Variants in KCNAB2 observed in about 807,000 individuals in gnomAD.
KCNAB2 encodes potassium voltage-gated channel subfamily A regulatory beta subunit 2.
KCNAB2 carries 29 observed loss-of-function variants against 63.6 expected under a neutral mutation model. That is an observed-to-expected ratio of 0.46 (90% confidence interval 0.34 to 0.62). The LOEUF (loss-of-function observed/expected upper bound fraction) is 0.62. Among genes scored for constraint, KCNAB2 ranks in the 20% least tolerant of loss-of-function variants. The pLI, the probability that KCNAB2 is intolerant of heterozygous loss-of-function variation, is 0.01. For missense variants in KCNAB2, 359 were observed against 563.9 expected (o/e 0.64, Z 3.68); for synonymous variants, 222 against 224.2 (o/e 0.99, Z 0.09).
chr1:6,042,137 C>T (rs1456387975), upstream of KCNAB2, among the ~76,000 whole-genome samples: 1 of 152,182 alleles, frequency 6.6e-6, no homozygotes, highest in Non-Finnish European at 1.5e-5. Context: ...TTGATGACTG[C>T]CAAGCTCTCA....
At position 6,100,805 on chromosome 1, in the gene KCNAB2, C is replaced by G. The variant is rs964346326; in HGVS notation, c.*2231C>G. ...TCTGCCTCCTAGGGCCAGGTCCCCC[C>G]TCTCGGGAGGAGGTATTGGGTAGGA... On this transcript the variant is annotated 3_prime_UTR_variant, in exon 16 of 16. Coordinates refer to ENST00000378083, the MANE Select transcript of KCNAB2 (RefSeq NM_001199862.2). 2 of 152,260 alleles carry G rather than the reference C, an allele frequency of 1.3e-5. No individual in the cohort carries two copies. Among genetic ancestry groups the G allele is most frequent in the African/African-American group, 4.8e-5 (2 of 41,448 alleles). 9.4% of individuals were successfully genotyped at this position (152,260 alleles called of 1,614,324 possible).
chr1:6,083,816 C>T (rs1175834586), intron 5 of KCNAB2, among the ~76,000 whole-genome samples: 3 of 152,230 alleles, frequency 2.0e-5, no homozygotes, highest in Admixed American at 6.5e-5. Flanking sequence ...CTAATTTGCA[C>T]GCTTCTCAGA....
chr1:6,054,836 C>T (rs542692591), intron 2 of KCNAB2, among the ~76,000 whole-genome samples: 1 of 152,256 alleles, frequency 6.6e-6, no homozygotes, highest in South Asian at 2.1e-4. Flanking sequence ...TGATTGGTTG[C>T]GGGAGGGGAC....
intron 1 of KCNAB2, among the ~76,000 whole-genome samples, chr1:6,004,995 T>TGG (rs1557921038): frequency 2.1e-5 from 2 of 96,082 alleles, no homozygotes; most frequent in African/African-American, 3.7e-5. Flanking sequence ...GGCAGAGATC[T>TGG]GGGAGCTGAG....
chr1:6,079,473 T>C (rs2871872), intron 4 of KCNAB2, among the ~76,000 whole-genome samples: 14,950 of 151,750 alleles, frequency 0.099, 846 homozygotes, highest in African/African-American at 0.13. Context: ...GAGCCAAGAT[T>C]GTGCCACTGC....
intron 2 of KCNAB2, among the ~76,000 whole-genome samples, chr1:6,065,803 G>A (rs1487157826): frequency 7.2e-5 from 11 of 152,188 alleles, no homozygotes; most frequent in Middle Eastern, 3.4e-3. Context: ...GAGAAAATGC[G>A]CACCCCCCAA....
chr1:6,040,740 A>AAGGGCCCAAGC (rs1553121961), intron 2 of KCNAB2: 1 of 763,258 alleles, frequency 1.3e-6, no homozygotes, highest in Non-Finnish European at 2.2e-6. Flanking sequence ...CTGGAGGTGG[A>AAGGGCCCAAGC]AGGGCCCAAG....
Position 6,090,453 on chromosome 1 carries a change from G to A in KCNAB2, c.579G>A (p.Pro193=), listed in dbSNP as rs757498604. ...TGGATGTGGTGTTTGCCAACCGCCC[G>A]GACCCCAACACCCCGATGGAAGGTA... ...EYVDVVFANR[P]DPNTPMEGDP... Residue 193 remains proline, a synonymous_variant, in exon 9 of 16, where the codon CCG becomes CCA. Coordinates refer to ENST00000378083, the MANE Select transcript of KCNAB2 (RefSeq NM_001199862.2). 1.4e-5 allele frequency: 22 copies of A among 1,613,770 alleles called. No homozygotes were observed. Among genetic ancestry groups the A allele is most frequent in the African/African-American group, 6.7e-5 (5 of 75,050 alleles).
intron 15 of KCNAB2, chr1:6,098,090 G>A (rs1665799458): frequency 4.4e-6 from 4 of 914,412 alleles, no homozygotes; most frequent in African/African-American, 1.8e-5. Flanking sequence ...GAGAAGGCGA[G>A]GTGGAAGTCG....
At position 5,994,520 on chromosome 1, in the gene KCNAB2, C is replaced by T. The variant is rs1301669312; in HGVS notation, c.-53+1732C>T. Among the ~76,000 whole-genome samples the T allele has an allele frequency of 3.9e-5, 6 of 152,184 alleles. No homozygotes were observed. Among genetic ancestry groups the T allele is most frequent in the Non-Finnish European group, 7.3e-5 (5 of 68,030 alleles). On this transcript the variant is annotated intron_variant, in intron 1 of 16. Coordinates refer to the KCNAB2 transcript ENST00000341524. The surrounding 1 kb of genome is among the most constrained non-coding windows in gnomAD (Gnocchi z 5.4). ...ATGGTAGGGGCTTCCCTGTTGACAC[C>T]CAGGGCCATTTTTTTTTTCCCTGCG... is the stretch of plus-strand genomic sequence containing the variant.
chr1:6,040,048 C>A (rs12567565), intron 1 of KCNAB2, among the ~76,000 whole-genome samples: 14,127 of 152,240 alleles, frequency 0.093, 1,141 homozygotes, highest in East Asian at 0.24. Context: ...AGCTCAATGG[C>A]AGCACCAGGA....
rs1415443084 is a variant in KCNAB2 at position 6,094,480 on chromosome 1, A to G, written c.727A>G (p.Ile243Val). 6.2e-6 allele frequency: 10 copies of G among 1,609,906 alleles called. No individual in the cohort carries two copies. Residue 243 changes from isoleucine (I) to valine (V), a missense_variant, in exon 11 of 16, where the codon ATC (isoleucine) becomes GTC (valine). Coordinates refer to ENST00000378083, the MANE Select transcript of KCNAB2 (RefSeq NM_001199862.2). Reference protein sequence around the residue: ...WGTSRWSSMEIMEAYSVARQF... With the variant: ...WGTSRWSSMEVMEAYSVARQF... ...CACGTCACGCTGGAGCTCCATGGAG[A>G]TCATGGTACGGTGGCCGCGCAGCAT...
intron 1 of KCNAB2, among the ~76,000 whole-genome samples, chr1:6,011,166 G>A (rs1658122404): frequency 6.6e-6 from 1 of 152,260 alleles, no homozygotes; most frequent in South Asian, 2.1e-4. Context: ...CTCTGAGGGA[G>A]CAGCAGGAGT....
chr1:6,099,983 G>A lies in KCNAB2; in HGVS notation c.*1409G>A, dbSNP rs1207583230. 1.3e-6 allele frequency: 2 copies of A among 1,547,708 alleles called. No individual in the cohort carries two copies. Among genetic ancestry groups the A allele is most frequent in the Non-Finnish European group, 1.7e-6 (2 of 1,145,590 alleles). The stretch of plus-strand genomic sequence containing the variant: ...GGCTTTGCAGACCACGCGGGGCAGG[G>A]CTCCACTGAAGCCACCCCCACCCCT... On this transcript the variant is annotated 3_prime_UTR_variant, in exon 16 of 16. Coordinates refer to ENST00000378083, the MANE Select transcript of KCNAB2 (RefSeq NM_001199862.2).
At position 6,003,206 on chromosome 1, in the gene KCNAB2, C is replaced by T. The variant is rs1451893112; in HGVS notation, c.-53+10418C>T. On this transcript the variant is annotated intron_variant, in intron 1 of 16. Transcript: ENST00000341524. The surrounding 1 kb of genome is among the most constrained non-coding windows in gnomAD (Gnocchi z 4.1). ...CCAGCGCACAGCCCCAGCAGCCTGG[C>T]CCCTGCTGGCTGCAGGGGCTCCAGA... 2.0e-5 allele frequency among the ~76,000 whole-genome samples: 3 copies of T among 152,210 alleles called. No individual in the cohort carries two copies. Among genetic ancestry groups the T allele is most frequent in the African/African-American group, 4.8e-5 (2 of 41,460 alleles).
intron 4 of KCNAB2, among the ~76,000 whole-genome samples, chr1:6,077,454 G>A (rs1390987604): frequency 6.6e-6 from 1 of 152,228 alleles, no homozygotes; most frequent in African/African-American, 2.4e-5. Context: ...GCGCCACCCT[G>A]GATGTAGCTG....
At chr1:6,002,730 G>A (rs1657326213) in intron 1 of KCNAB2, among the ~76,000 whole-genome samples, 1 of 152,210 alleles carries the variant, frequency 6.6e-6, no homozygotes, top group African/African-American at 2.4e-5. Context: ...GGGAGCTGAA[G>A]GGCTACGGCC....
At chr1:6,000,406 T>A (rs1345685600) in intron 1 of KCNAB2, among the ~76,000 whole-genome samples, 1 of 152,184 alleles carries the variant, frequency 6.6e-6, no homozygotes, top group Non-Finnish European at 1.5e-5. Flanking sequence ...GAGTAGTGGA[T>A]GCCTCCTTAT....
At chr1:6,091,915 C>T (rs917742856) in intron 10 of KCNAB2, among the ~76,000 whole-genome samples, 2 of 152,198 alleles carry the variant, frequency 1.3e-5, no homozygotes, top group Admixed American at 6.5e-5. Context: ...AAAGAATAAC[C>T]ACAGGAGCCG....
Sources: gnomAD v4.1 joint callset for allele counts (sites outside exome capture counted in the v4.1 genomes callset) on GRCh38, gnomAD v4.1.1 for gene constraint, Gnocchi (gnomAD v3.1) non-coding constraint, MANE v1.5 for transcripts, NCBI Gene and HGNC (gene_info 2026-07-23, HGNC 2026-07-21) for gene names.